The following MARCHF1 variants were observed in gnomAD, a reference collection of about 807,000 sequenced individuals.
The protein encoded by MARCHF1 is membrane associated ring-CH-type finger 1.
In MARCHF1, 40 loss-of-function variants were observed where a neutral mutation model predicts 54.2. The ratio of observed to expected loss-of-function variants is 0.74; its 90% confidence interval spans 0.57 to 0.96. The LOEUF is 0.96. Among genes scored for constraint, MARCHF1 ranks in the 40% least tolerant of loss-of-function variants. MARCHF1 has a pLI of 0.00. For synonymous variants in MARCHF1, 236 were observed against 236.3 expected, an observed-to-expected ratio of 1.00 and a Z score of 0.01; for missense variants, 586 against 656.5, an observed-to-expected ratio of 0.89 and a Z score of 1.17.
At chr4:164,122,061 T>C (rs1756078280) in intron 1 of MARCHF1, among the ~76,000 whole-genome samples, 1 of 152,134 alleles carries the variant, frequency 6.6e-6, no homozygotes, top group African/African-American at 2.4e-5. Context: ...ATCAATGTGA[T>C]ACACCATGCC....
chr4:164,166,447 T>A (rs1039108224), intron 1 of MARCHF1, among the ~76,000 whole-genome samples: 10 of 152,134 alleles, frequency 6.6e-5, no homozygotes, highest in Admixed American at 6.6e-4. Context: ...AAGTGCAGCA[T>A]CCTTTCTTGA....
At position 163,585,893 on chromosome 4, in the gene MARCHF1, G is replaced by T. The variant is rs1169791092; in HGVS notation, c.1047C>A (p.Leu349=). The T allele has an allele frequency of 6.2e-7, 1 of 1,612,956 alleles. No homozygotes were observed. The highest frequency in any genetic ancestry group is 8.5e-7 in the Non-Finnish European group (1 of 1,179,684). The part of the protein sequence containing the change: ...CHCEGDEESP[L]ITPCRCTGTL... ...TCCCAGTGCAGCGACAGGGTGTGAT[G>T]AGGGGGCTCTCTTCATCCCCTTCGC... Residue 349 remains leucine, a synonymous_variant, in exon 8 of 10, where the codon CTC becomes CTA. Coordinates refer to ENST00000514618, the MANE Select transcript of MARCHF1 (RefSeq NM_001394959.1).
intron 4 of MARCHF1, among the ~76,000 whole-genome samples, chr4:163,822,254 T>C (rs961724099): frequency 3.3e-5 from 5 of 151,902 alleles, no homozygotes; most frequent in Non-Finnish European, 5.9e-5. Flanking sequence ...CTTTATTACA[T>C]AGAAAACTCT....
At chr4:164,110,799 A>G (rs976616530) in intron 2 of MARCHF1, among the ~76,000 whole-genome samples, 2 of 151,652 alleles carry the variant, frequency 1.3e-5, no homozygotes, top group East Asian at 3.9e-4. Context: ...GAAACTACTT[A>G]TGGGCAAAGG....
At chr4:163,960,828 A>C (rs79424588) in intron 3 of MARCHF1, among the ~76,000 whole-genome samples, 1 of 151,282 alleles carries the variant, frequency 6.6e-6, no homozygotes, top group African/African-American at 2.4e-5. Context: ...AAAAAAAAAA[A>C]CAGACTGGGT....
chr4:163,728,534 G>A (rs954625190), intron 4 of MARCHF1, among the ~76,000 whole-genome samples: 3 of 151,824 alleles, frequency 2.0e-5, no homozygotes, highest in Non-Finnish European at 2.9e-5. Flanking sequence ...ATATTTACAC[G>A]TAAGTCTTCA....
chr4:163,747,930 G>C (rs1746408443), intron 4 of MARCHF1, among the ~76,000 whole-genome samples: 1 of 152,198 alleles, frequency 6.6e-6, no homozygotes, highest in Admixed American at 6.5e-5. Context: ...AGTGGCCAGA[G>C]AGCAGCCCCG....
intron 1 of MARCHF1, among the ~76,000 whole-genome samples, chr4:164,176,980 C>CTCTCTCTATA (rs1466683245): frequency 1.3e-3 from 77 of 58,894 alleles, no homozygotes; most frequent in African/African-American, 2.5e-3. Flanking sequence ...CTCTCTCTCT[C>CTCTCTCTATA]TATATATATA....
At chr4:164,212,838 C>T (rs1262632215) in intron 1 of MARCHF1, among the ~76,000 whole-genome samples, 5 of 152,044 alleles carry the variant, frequency 3.3e-5, no homozygotes, top group Admixed American at 2.0e-4. Context: ...GAGTGAAAAA[C>T]GAGGCCCACC....
intron 4 of MARCHF1, among the ~76,000 whole-genome samples, chr4:163,822,634 A>G (rs1348835427): frequency 6.6e-6 from 1 of 151,936 alleles, no homozygotes; most frequent in African/African-American, 2.4e-5. Context: ...TTAGATGTGC[A>G]TATTTTAGGG....
chr4:163,524,565 T>C (rs1738035383), downstream of MARCHF1: 1 of 152,206 alleles, frequency 6.6e-6, no homozygotes, highest in Admixed American at 6.5e-5. Flanking sequence ...TGTGTATTTA[T>C]TTATTTGTAC....
intron 2 of MARCHF1, among the ~76,000 whole-genome samples, chr4:164,018,675 ATGTT>A (rs1383359290): frequency 6.6e-6 from 1 of 152,292 alleles, no homozygotes; most frequent in African/African-American, 2.4e-5. Context: ...TTATATTATT[ATGTT>A]TGTGTTTATT....
chr4:164,229,669 A>G (rs1258653152), intron 1 of MARCHF1, among the ~76,000 whole-genome samples: 10 of 152,190 alleles, frequency 6.6e-5, no homozygotes, highest in Admixed American at 5.9e-4. Context: ...TATAGGAAGC[A>G]TGATACTGTC....
chr4:164,094,470 A>G (rs1755367087), intron 2 of MARCHF1, among the ~76,000 whole-genome samples: 5 of 152,162 alleles, frequency 3.3e-5, no homozygotes, highest in Admixed American at 3.3e-4. Flanking sequence ...GTAAGATTTG[A>G]GCAGTGGATA....
At position 164,128,284 on chromosome 4, in the gene MARCHF1, CACAT is replaced by C. The variant is rs561179403; in HGVS notation, c.-322-16626_-322-16623del. Among the ~76,000 whole-genome samples the C allele has an allele frequency of 7.9e-5, 12 of 152,068 alleles. No individual in the cohort carries two copies. In the South Asian group the frequency reaches 2.1e-3, roughly 26 times the overall value. On this transcript the variant is annotated intron_variant, in intron 1 of 9. Coordinates refer to ENST00000514618, the MANE Select transcript of MARCHF1 (RefSeq NM_001394959.1). Reference sequence around the variant, plus strand: ...TCCAGTAGCAATAAAAGAAAATGCACACATAATCACCTGTATATTTAAAATACAG... The same window carrying C: ...TCCAGTAGCAATAAAAGAAAATGCACAATCACCTGTATATTTAAAATACAG...
chr4:164,340,520 C>T (rs1328699564), intron 1 of MARCHF1, among the ~76,000 whole-genome samples: 4 of 149,778 alleles, frequency 2.7e-5, no homozygotes, highest in African/African-American at 9.8e-5. Context: ...ACCTCCACCT[C>T]CTGAGTTCCA....
chr4:163,873,053 AC>A (rs1750209865), intron 3 of MARCHF1, among the ~76,000 whole-genome samples: 1 of 132,342 alleles, frequency 7.6e-6, no homozygotes, highest in African/African-American at 2.8e-5. Context: ...CAAAAAAAAA[AC>A]AAACAAACAA....
intron 1 of MARCHF1, among the ~76,000 whole-genome samples, chr4:164,316,615 G>A (rs1053302494): frequency 6.6e-6 from 1 of 152,106 alleles, no homozygotes; most frequent in African/African-American, 2.4e-5. Flanking sequence ...AAAGAGTGAG[G>A]TACCAATTTT....
chr4:164,351,548 A>G (rs865988938), intron 1 of MARCHF1, among the ~76,000 whole-genome samples: 59 of 152,172 alleles, frequency 3.9e-4, no homozygotes, highest in African/African-American at 7.9e-4. Context: ...TGCAGCTGAC[A>G]GTCCTGTCTG....
Sources: allele counts gnomAD v4.1 joint callset (sites outside exome capture counted in the v4.1 genomes callset), GRCh38; gene constraint gnomAD v4.1.1; transcripts MANE v1.5; gene names NCBI Gene and HGNC (gene_info 2026-07-23, HGNC 2026-07-21).